Variants in CCSER1 observed in about 807,000 individuals in gnomAD.
The protein encoded by CCSER1 is coiled-coil serine rich protein 1.
A neutral mutation model predicts 82.0 loss-of-function variants in CCSER1; 41 were observed. The ratio of observed to expected loss-of-function variants is 0.50; its 90% CI spans 0.39 to 0.65. The LOEUF (loss-of-function observed/expected upper bound fraction) is 0.65. Among genes scored for constraint, CCSER1 ranks in the 30% least tolerant of loss-of-function variants. The pLI, the probability that CCSER1 is intolerant of heterozygous loss-of-function variation, is 0.00. For missense variants in CCSER1, 1,119 were observed against 1,064.2 expected (o/e 1.05, Z -0.72); for synonymous variants, 414 against 383.9 (o/e 1.08, Z -0.92).
intron 4 of CCSER1, among the ~76,000 whole-genome samples, chr4:90,417,525 G>A (rs905176663): frequency 2.0e-5 from 3 of 151,928 alleles, no homozygotes; most frequent in African/African-American, 7.3e-5. Flanking sequence ...AGAATGTAAT[G>A]GTCATTTGGA....
At chr4:91,405,431 A>G (rs1051599755) in intron 10 of CCSER1, among the ~76,000 whole-genome samples, 4 of 152,230 alleles carry the variant, frequency 2.6e-5, no homozygotes, top group Non-Finnish European at 5.9e-5. Flanking sequence ...ACCAAAAGCA[A>G]CAGTAACAAA....
At chr4:90,919,391 T>C (rs1262573529) in intron 8 of CCSER1, among the ~76,000 whole-genome samples, 1 of 151,876 alleles carries the variant, frequency 6.6e-6, no homozygotes, top group African/African-American at 2.4e-5. Context: ...CCAACTGATA[T>C]TAACAAAGTA....
chr4:90,395,876 C>T (rs565728271), intron 3 of CCSER1, among the ~76,000 whole-genome samples: 2 of 151,130 alleles, frequency 1.3e-5, no homozygotes, highest in East Asian at 3.9e-4. Context: ...TCAAGACCAG[C>T]CTGGCCAACA....
chr4:91,148,810 G>A (rs1218795916), intron 10 of CCSER1, among the ~76,000 whole-genome samples: 1 of 152,156 alleles, frequency 6.6e-6, no homozygotes, highest in Non-Finnish European at 1.5e-5. Context: ...CAAAGGACAT[G>A]AACTCATCCT....
chr4:90,921,018 A>G (rs1213232847), intron 8 of CCSER1, among the ~76,000 whole-genome samples: 1 of 151,718 alleles, frequency 6.6e-6, no homozygotes, highest in East Asian at 1.9e-4. Context: ...ATTAATATAG[A>G]TAGATTTATT....
chr4:90,736,639 T>A (rs1359854903), intron 7 of CCSER1, among the ~76,000 whole-genome samples: 2 of 69,784 alleles, frequency 2.9e-5, no homozygotes, highest in Non-Finnish European at 5.5e-5. Flanking sequence ...ATTAGGTCAT[T>A]TTTTTTATCC....
intron 8 of CCSER1, among the ~76,000 whole-genome samples, chr4:90,896,201 A>G (rs1051747918): frequency 8.6e-5 from 13 of 151,956 alleles, no homozygotes; most frequent in East Asian, 5.8e-4. Flanking sequence ...TCACTGGTAC[A>G]AGGAATCTGC....
intron 8 of CCSER1, among the ~76,000 whole-genome samples, chr4:90,878,021 C>G (rs994915786): frequency 6.6e-6 from 1 of 152,130 alleles, no homozygotes; most frequent in Non-Finnish European, 1.5e-5. Flanking sequence ...GGGAAATAAG[C>G]CAAGGCAGTT....
intron 9 of CCSER1, among the ~76,000 whole-genome samples, chr4:90,955,238 A>G (rs888314758): frequency 1.8e-4 from 27 of 152,268 alleles, no homozygotes; most frequent in African/African-American, 5.5e-4. Context: ...TAAACACCCT[A>G]TGAATGAAGG....
chr4:90,910,259 T>C (rs1726135531), intron 8 of CCSER1, among the ~76,000 whole-genome samples: 1 of 152,236 alleles, frequency 6.6e-6, no homozygotes, highest in Non-Finnish European at 1.5e-5. Context: ...AAAGAGATTG[T>C]AATTCACATG....
chr4:90,301,380 T>C (rs906153536), intron 1 of CCSER1, among the ~76,000 whole-genome samples: 1 of 152,156 alleles, frequency 6.6e-6, no homozygotes, highest in Non-Finnish European at 1.5e-5. Flanking sequence ...AATAAAGTAC[T>C]GTACTTTCTG....
At chr4:90,460,287 T>C (rs1420902292) in intron 4 of CCSER1, among the ~76,000 whole-genome samples, 3 of 117,746 alleles carry the variant, frequency 2.5e-5, no homozygotes, top group Non-Finnish European at 4.7e-5. Flanking sequence ...ATCGCGCCAC[T>C]GCACTCCAGC....
At chr4:90,622,709 T>C (rs1296136677) in intron 5 of CCSER1, among the ~76,000 whole-genome samples, 1 of 152,072 alleles carries the variant, frequency 6.6e-6, no homozygotes, top group Non-Finnish European at 1.5e-5. Flanking sequence ...CTATTGTGAA[T>C]AGTGCCACAA....
chr4:90,463,550 T>A (rs1465262545), intron 4 of CCSER1, among the ~76,000 whole-genome samples: 1 of 152,200 alleles, frequency 6.6e-6, no homozygotes, highest in Non-Finnish European at 1.5e-5. Context: ...AATGTATTCT[T>A]TTGCTAGGTT....
At chr4:90,701,498 T>G (rs572374297) in intron 6 of CCSER1, among the ~76,000 whole-genome samples, 344 of 152,234 alleles carry the variant, frequency 2.3e-3, no homozygotes, top group African/African-American at 7.8e-3. Flanking sequence ...GAACTTTAAA[T>G]TAGTTTTTTC....
intron 9 of CCSER1, among the ~76,000 whole-genome samples, chr4:91,076,760 A>G (rs1456173237): frequency 6.6e-6 from 1 of 152,170 alleles, no homozygotes; most frequent in African/African-American, 2.4e-5. Context: ...TCTTCAAGAG[A>G]AGAGAAACAA....
At chr4:91,008,769 A>C (rs1369338524) in intron 9 of CCSER1, among the ~76,000 whole-genome samples, 2 of 152,208 alleles carry the variant, frequency 1.3e-5, no homozygotes, top group Non-Finnish European at 2.9e-5. Context: ...CAGAGCTCCC[A>C]AGATGTTGGC....
chr4:91,044,356 C>T (rs1742253131), intron 9 of CCSER1, among the ~76,000 whole-genome samples: 1 of 152,140 alleles, frequency 6.6e-6, no homozygotes. Context: ...ATGACAGTGC[C>T]TACAGAGGAG....
At chr4:90,235,474 G>A (rs1314714083) in intron 1 of CCSER1, 1 of 151,986 alleles carries the variant, frequency 6.6e-6, no homozygotes, top group Non-Finnish European at 1.5e-5. Context: ...TGATCCACTA[G>A]CCCTGGAAAC....
Sources: allele counts gnomAD v4.1 joint callset (sites outside exome capture counted in the v4.1 genomes callset), GRCh38; gene constraint gnomAD v4.1.1; transcripts MANE v1.5; gene names NCBI Gene and HGNC (gene_info 2026-07-23, HGNC 2026-07-21).